ASIC2: variants seen among roughly 807,000 people sequenced by gnomAD.
ASIC2 encodes acid-sensing ion channel 2.
Under a neutral mutation model 57.3 loss-of-function variants are expected in ASIC2, and 25 were observed. The ratio of observed to expected loss-of-function variants is 0.44; its 90% confidence interval spans 0.32 to 0.61. The LOEUF is 0.61. ASIC2 is among the 20% of genes least tolerant of loss of function. The probability of loss-of-function intolerance (pLI) is 0.06; values close to 1 mark genes in which losing one functional copy is unlikely to be tolerated. For synonymous variants in ASIC2, 319 were observed against 307.5 expected, an observed-to-expected ratio of 1.04 and a Z score of -0.39; for missense variants, 641 against 738.1, an observed-to-expected ratio of 0.87 and a Z score of 1.52.
chr17:34,045,921 G>A (rs1487609279), intron 1 of ASIC2, among the ~76,000 whole-genome samples: 1 of 152,154 alleles, frequency 6.6e-6, no homozygotes, highest in Non-Finnish European at 1.5e-5. Flanking sequence ...GAATATGGAG[G>A]TAGTATCACC....
At chr17:34,121,893 A>C (rs1002813429) in intron 1 of ASIC2, among the ~76,000 whole-genome samples, 1 of 152,252 alleles carries the variant, frequency 6.6e-6, no homozygotes, top group East Asian at 1.9e-4. Flanking sequence ...TAGTTCAGCT[A>C]TCAACTCCTT....
At chr17:33,122,365 T>G (rs549121745) in intron 1 of ASIC2, among the ~76,000 whole-genome samples, 23 of 152,104 alleles carry the variant, frequency 1.5e-4, no homozygotes, top group Non-Finnish European at 2.5e-4. Context: ...CATGATGGAT[T>G]TGAAGTGCCT....
chr17:33,578,731 G>T (rs1478388287), intron 1 of ASIC2, among the ~76,000 whole-genome samples: 1 of 152,124 alleles, frequency 6.6e-6, no homozygotes, highest in Non-Finnish European at 1.5e-5. Context: ...TGACAGAGGG[G>T]GCACTAATGG....
chr17:33,319,708 A>AT (rs1472295854), intron 1 of ASIC2, among the ~76,000 whole-genome samples: 1 of 152,040 alleles, frequency 6.6e-6, no homozygotes, highest in Non-Finnish European at 1.5e-5. Context: ...TAATTCTTGT[A>AT]TTTTTTGTAG....
chr17:33,822,562 G>A (rs1478902286), intron 1 of ASIC2, among the ~76,000 whole-genome samples: 1 of 152,198 alleles, frequency 6.6e-6, no homozygotes. Context: ...TGGAACCCCA[G>A]CTTCAATGTT....
chr17:33,876,315 TG>T (rs1180770416), intron 1 of ASIC2, among the ~76,000 whole-genome samples: 1 of 152,232 alleles, frequency 6.6e-6, no homozygotes, highest in African/African-American at 2.4e-5. Context: ...TTGCCCACCT[TG>T]GAAGACTCTC....
chr17:33,992,368 G>A (rs1017263597), intron 1 of ASIC2, among the ~76,000 whole-genome samples: 15 of 152,316 alleles, frequency 9.8e-5, no homozygotes, highest in African/African-American at 3.1e-4. Context: ...GGGGACACCT[G>A]AGAAAATTGA....
At chr17:33,072,983 G>A (rs1221428384) in intron 3 of ASIC2, among the ~76,000 whole-genome samples, 1 of 152,196 alleles carries the variant, frequency 6.6e-6, no homozygotes, top group Non-Finnish European at 1.5e-5. Flanking sequence ...AGGGCACAAT[G>A]CTGTATTTTT....
intron 1 of ASIC2, among the ~76,000 whole-genome samples, chr17:33,885,742 A>C (rs549588348): frequency 2.6e-5 from 4 of 152,288 alleles, no homozygotes; most frequent in African/African-American, 9.6e-5. Flanking sequence ...CCTAATTCAA[A>C]TGCTCCTTCC....
intron 1 of ASIC2, among the ~76,000 whole-genome samples, chr17:33,573,738 G>A (rs1385617898): frequency 6.6e-6 from 1 of 152,078 alleles, no homozygotes; most frequent in Non-Finnish European, 1.5e-5. Context: ...GCTAATTTTT[G>A]TATTTTTAAC....
intron 1 of ASIC2, among the ~76,000 whole-genome samples, chr17:33,759,112 A>G (rs1364930304): frequency 1.3e-5 from 2 of 152,182 alleles, no homozygotes; most frequent in Non-Finnish European, 2.9e-5. Flanking sequence ...AGTGGTTGTG[A>G]CCAGAATACT....
chr17:33,655,930 T>A (rs1346348039), intron 1 of ASIC2, among the ~76,000 whole-genome samples: 2 of 152,114 alleles, frequency 1.3e-5, no homozygotes, highest in African/African-American at 4.8e-5. Flanking sequence ...CTCATTCCTG[T>A]TTCAGAAGTG....
chr17:33,098,656 T>G (rs929321321), intron 2 of ASIC2, among the ~76,000 whole-genome samples: 1 of 152,214 alleles, frequency 6.6e-6, no homozygotes, highest in Non-Finnish European at 1.5e-5. Context: ...TGCAAAGCCA[T>G]GGAGCACACT....
intron 1 of ASIC2, among the ~76,000 whole-genome samples, chr17:33,851,022 G>A (rs1289213810): frequency 6.6e-6 from 1 of 152,174 alleles, no homozygotes; most frequent in Non-Finnish European, 1.5e-5. Context: ...GAAGAGTTAA[G>A]AGACTTGGTG....
intron 1 of ASIC2, among the ~76,000 whole-genome samples, chr17:33,355,006 T>C (rs17249181): frequency 0.18 from 26,817 of 152,144 alleles, 3,040 homozygotes; most frequent in East Asian, 0.49. Flanking sequence ...AGCTTATTAA[T>C]CTTGGTTGGA....
rs776672229 is a variant in ASIC2 at position 33,822,801 on chromosome 17, A to G, written c.555+333177T>C. Among the ~76,000 whole-genome samples the G allele has an allele frequency of 4.2e-4, 64 of 152,154 alleles. 1 individual carries two copies. Among genetic ancestry groups the G allele is most frequent in the Non-Finnish European group, 8.4e-4 (57 of 68,034 alleles). ...GTTTACTCAAAATTAGGGAAATTCT[A>G]TACCTAATACCTTGGATCATGGCAG... On this transcript the variant is annotated intron_variant, in intron 1 of 9. Coordinates refer to the ASIC2 transcript ENST00000359872.
At chr17:33,494,043 C>T (rs921667149) in intron 1 of ASIC2, among the ~76,000 whole-genome samples, 20 of 152,174 alleles carry the variant, frequency 1.3e-4, no homozygotes, top group African/African-American at 3.4e-4. Flanking sequence ...GACTCTGAAG[C>T]GAAAGGTTTG....
At chr17:34,151,110 A>G (rs1904503073) in intron 1 of ASIC2, among the ~76,000 whole-genome samples, 1 of 140,940 alleles carries the variant, frequency 7.1e-6, no homozygotes, top group African/African-American at 2.5e-5. Context: ...CTCAAGAAAA[A>G]AAAAAAAAAA....
chr17:33,451,508 T>C (rs902083227), intron 1 of ASIC2, among the ~76,000 whole-genome samples: 1 of 152,174 alleles, frequency 6.6e-6, no homozygotes, highest in African/African-American at 2.4e-5. Flanking sequence ...TACAAACCTG[T>C]TGCTTTTGCC....
Sources: allele counts gnomAD v4.1 joint callset (sites outside exome capture counted in the v4.1 genomes callset), GRCh38; gene constraint gnomAD v4.1.1; transcripts MANE v1.5; gene names NCBI Gene and HGNC (gene_info 2026-07-23, HGNC 2026-07-21).